The following FMN1 variants were observed in gnomAD, a reference collection of about 807,000 sequenced individuals.
FMN1 encodes the protein formin 1.
Under a neutral mutation model 132.4 loss-of-function variants are expected in FMN1, and 110 were observed. The observed-to-expected ratio is 0.83, with a 90% CI of 0.71 to 0.97. The LOEUF is 0.97. Ranked by LOEUF, FMN1 falls within the 50% of genes least tolerant of loss-of-function variation. The pLI is 0.00. For missense variants in FMN1, 1,792 were observed against 1,705.3 expected (o/e 1.05, Z -0.90); for synonymous variants, 722 against 651.7 (o/e 1.11, Z -1.64).
At chr15:33,067,212 GAAGAC>G in intron 5 of FMN1, 1 of 1,613,460 alleles carries the variant, frequency 6.2e-7, no homozygotes. Context: ...CGCTCTGTCT[GAAGAC>G]CACCGTTGCC....
chr15:32,811,163 T>A, intron 17 of FMN1: 2 of 451,598 alleles, frequency 4.4e-6, no homozygotes, highest in East Asian at 1.4e-4. Context: ...CAGTTTGTGA[T>A]GCAGAGTTCT....
At chr15:32,932,043 T>C (rs905103153) in intron 9 of FMN1, among the ~76,000 whole-genome samples, 1 of 152,232 alleles carries the variant, frequency 6.6e-6, no homozygotes, top group Non-Finnish European at 1.5e-5. Flanking sequence ...TGAACCTTCC[T>C]TGCATTTGAG....
At chr15:33,075,048 G>GA (rs1379191151) in intron 5 of FMN1, among the ~76,000 whole-genome samples, 1 of 56,558 alleles carries the variant, frequency 1.8e-5, no homozygotes, top group Non-Finnish European at 3.7e-5. Context: ...AAAAAAAAAA[G>GA]AACAGACCTT....
chr15:33,008,900 T>A (rs921588395), intron 6 of FMN1, among the ~76,000 whole-genome samples: 1 of 152,152 alleles, frequency 6.6e-6, no homozygotes, highest in Non-Finnish European at 1.5e-5. Flanking sequence ...ACAAATGTGT[T>A]TGGGGTCATG....
chr15:32,957,298 C>CTTTTTTT lies in FMN1; in HGVS notation c.3138+6802_3138+6808dup, dbSNP rs869111673. ...AATTGGAAAGTTTATCAGAGCAGTTCTTTTTTTTTTTTTTTTTTTTTTTTT... is the reference window on the plus strand; with the variant it reads ...AATTGGAAAGTTTATCAGAGCAGTTCTTTTTTTTTTTTTTTTTTTTTTTTTTTTTTTT... On this transcript the variant is annotated intron_variant, in intron 9 of 20. Transcript: ENST00000616417. 2.4e-4 allele frequency among the ~76,000 whole-genome samples: 20 copies of CTTTTTTT among 84,194 alleles called. 4 individuals are homozygous for CTTTTTTT. The highest frequency in any genetic ancestry group is 3.1e-4 in the Non-Finnish European group (14 of 44,924). The allele number at this position is 84,194 out of a possible 152,430, so 55.2% of individuals were successfully genotyped here. A position where few individuals can be genotyped will look rare whatever the true frequency, so the allele number is the denominator to read the frequency against.
At chr15:32,955,333 C>A (rs2061741156) in intron 9 of FMN1, among the ~76,000 whole-genome samples, 1 of 152,210 alleles carries the variant, frequency 6.6e-6, no homozygotes. Context: ...CTATCACATA[C>A]ATGGGAGATG....
chr15:33,003,242 A>G (rs1350188478), intron 7 of FMN1, among the ~76,000 whole-genome samples: 2 of 152,230 alleles, frequency 1.3e-5, no homozygotes, highest in Non-Finnish European at 2.9e-5. Context: ...ATTCAATAGG[A>G]AAAGAGAAAG....
Position 32,968,779 on chromosome 15 carries a change from T to C in FMN1, c.2922A>G (p.Pro974=), listed in dbSNP as rs1337420073. The C allele has an allele frequency of 6.2e-7, 1 of 1,609,600 alleles. No individual in the cohort carries two copies. The part of the protein sequence containing the change: ...GSSSSQCPRK[P]AIEPSCPMKP... ...TCATGGGACAACTGGGCTCGATGGCTGGTTTTCGAGGACATTGACTGGAAG... is the reference window on the plus strand; with the variant it reads ...TCATGGGACAACTGGGCTCGATGGCCGGTTTTCGAGGACATTGACTGGAAG... The change falls in exon 8 of 21, where the codon CCA becomes CCG. Residue 974 remains proline, a synonymous_variant. Coordinates refer to ENST00000616417, the MANE Select transcript of FMN1 (RefSeq NM_001277313.2).
chr15:32,779,483 G>C (rs2056594746), intron 19 of FMN1, among the ~76,000 whole-genome samples: 2 of 152,314 alleles, frequency 1.3e-5, no homozygotes, highest in South Asian at 4.1e-4. Flanking sequence ...AATTGGTCTA[G>C]TTGGGTTTGG....
At chr15:33,036,168 A>C (rs912638871) in intron 6 of FMN1, among the ~76,000 whole-genome samples, 1 of 152,218 alleles carries the variant, frequency 6.6e-6, no homozygotes, top group Non-Finnish European at 1.5e-5. Flanking sequence ...AGGCTAAAAC[A>C]TGCTAAGACA....
At chr15:33,127,726 G>GTAAC (rs1963234239) in intron 4 of FMN1, among the ~76,000 whole-genome samples, 1 of 152,184 alleles carries the variant, frequency 6.6e-6, no homozygotes, top group African/African-American at 2.4e-5. Flanking sequence ...GTTTCAGGCA[G>GTAAC]GTTATATTGT....
intron 16 of FMN1, among the ~76,000 whole-genome samples, chr15:32,858,749 A>C (rs1254207330): frequency 6.6e-6 from 1 of 152,224 alleles, no homozygotes; most frequent in Non-Finnish European, 1.5e-5. Flanking sequence ...ATCCAGTCAA[A>C]TAATCATTTA....
chr15:33,015,240 T>G (rs955643211), intron 6 of FMN1, among the ~76,000 whole-genome samples: 3 of 152,236 alleles, frequency 2.0e-5, no homozygotes, highest in African/African-American at 4.8e-5. Flanking sequence ...CAAAGTTGCT[T>G]GCTTTATCCT....
At chr15:32,972,869 T>G (rs1360808679) in intron 7 of FMN1, among the ~76,000 whole-genome samples, 1 of 152,310 alleles carries the variant, frequency 6.6e-6, no homozygotes, top group African/African-American at 2.4e-5. Context: ...AGTGAACTCA[T>G]TGTTGCCGAA....
intron 19 of FMN1, among the ~76,000 whole-genome samples, chr15:32,783,131 A>C (rs1343002875): frequency 2.6e-5 from 4 of 152,104 alleles, no homozygotes; most frequent in Non-Finnish European, 5.9e-5. Flanking sequence ...GCACAAATCC[A>C]TGTACCTCCT....
rs1325690193 is a variant in FMN1 at position 33,194,714 on chromosome 15, G to T, written c.-485C>A. 6.6e-6 allele frequency: 1 copy of T among 152,468 alleles called. No individual in the cohort carries two copies. The highest frequency in any genetic ancestry group is 2.4e-5 in the African/African-American group (1 of 41,452). The allele number at this position is 152,468 out of a possible 1,614,324, so 9.4% of individuals were successfully genotyped here. A position where few individuals can be genotyped will look rare whatever the true frequency, so the allele number is the denominator to read the frequency against. On this transcript the variant is annotated 5_prime_UTR_variant, in exon 1 of 21. Transcript: ENST00000616417. ...TCCAGTCCAGAGCCAAAGCCCAAAG[G>T]GGCAGCTGCGCCGACCTCCACCGAG...
chr15:32,791,365 AC>A (rs2057070847), intron 19 of FMN1, among the ~76,000 whole-genome samples: 1 of 26,086 alleles, frequency 3.8e-5, no homozygotes, highest in Non-Finnish European at 7.5e-5. Context: ...ATAGCAATAA[AC>A]CTTTTTTTTT....
intron 4 of FMN1, among the ~76,000 whole-genome samples, chr15:33,126,881 T>C (rs1196297960): frequency 1.3e-5 from 2 of 152,148 alleles, no homozygotes; most frequent in Non-Finnish European, 2.9e-5. Flanking sequence ...CATAAATAAC[T>C]GTGGCTGTAT....
intron 14 of FMN1, chr15:32,899,745 C>T (rs960342397): frequency 5.4e-6 from 3 of 557,052 alleles, no homozygotes; most frequent in Admixed American, 3.3e-5. Flanking sequence ...TCAGAGCACA[C>T]GAAGATGGGA....
Sources: allele counts gnomAD v4.1 joint callset (sites outside exome capture counted in the v4.1 genomes callset), GRCh38; gene constraint gnomAD v4.1.1; transcripts MANE v1.5; gene names NCBI Gene and HGNC (gene_info 2026-07-23, HGNC 2026-07-21).